HTR4: variants seen among roughly 807,000 people sequenced by gnomAD.
The protein encoded by HTR4 is 5-hydroxytryptamine (serotonin) receptor 4, G protein-coupled.
In HTR4, 16 loss-of-function variants were observed where a neutral mutation model predicts 36.8. The observed-to-expected ratio is 0.43, with a 90% CI of 0.29 to 0.66. The LOEUF is 0.66. Among genes scored for constraint, HTR4 ranks in the 30% least tolerant of loss-of-function variants. The probability of loss-of-function intolerance (pLI) is 0.13; values close to 1 mark genes in which losing one functional copy is unlikely to be tolerated. For synonymous variants in HTR4, 189 were observed against 185.1 expected (o/e 1.02, Z -0.17); for missense variants, 438 against 490.9 (o/e 0.89, Z 1.02).
At chr5:148,506,733 C>T (rs1413476093) in intron 6 of HTR4, among the ~76,000 whole-genome samples, 1 of 152,188 alleles carries the variant, frequency 6.6e-6, no homozygotes, top group Non-Finnish European at 1.5e-5. Flanking sequence ...AGACACTTCT[C>T]AAAAGAAGAC....
chr5:148,654,421 C>T lies in HTR4; in HGVS notation c.-407G>A, dbSNP rs181606526. 2.0e-6 allele frequency: 2 copies of T among 985,402 alleles called. No individual in the cohort carries two copies. The highest frequency in any genetic ancestry group is 2.4e-6 in the Non-Finnish European group (2 of 830,006). The allele number at this position is 985,402 out of a possible 1,614,324, so 61.0% of individuals were successfully genotyped here. On this transcript the variant is annotated 5_prime_UTR_variant, in exon 1 of 7. Coordinates refer to ENST00000377888, the MANE Select transcript of HTR4 (RefSeq NM_000870.7). Reference sequence around the variant, plus strand: ...CGCCAGGGACAGCGGGGGTGCCGCTCTGCCGGCAGGGCGCACAGGGGAGTG... The same window carrying T: ...CGCCAGGGACAGCGGGGGTGCCGCTTTGCCGGCAGGGCGCACAGGGGAGTG...
chr5:148,553,027 C>A (rs181216793), intron 2 of HTR4, among the ~76,000 whole-genome samples: 2 of 152,248 alleles, frequency 1.3e-5, no homozygotes, highest in East Asian at 3.9e-4. Flanking sequence ...GCTATCTGAG[C>A]GCTGTCATTT....
intron 2 of HTR4, among the ~76,000 whole-genome samples, chr5:148,607,504 A>G (rs933104537): frequency 3.3e-5 from 5 of 152,088 alleles, no homozygotes; most frequent in African/African-American, 1.2e-4. Flanking sequence ...TCCTCCCAAC[A>G]TCATTTCCAC....
downstream of HTR4, among the ~76,000 whole-genome samples, chr5:148,475,677 C>A (rs1755678107): frequency 6.6e-6 from 1 of 152,176 alleles, no homozygotes; most frequent in Non-Finnish European, 1.5e-5. Flanking sequence ...CACCACTTCC[C>A]CGCTCCTGGT....
At chr5:148,555,635 G>A (rs1169104468) in intron 2 of HTR4, among the ~76,000 whole-genome samples, 1 of 152,106 alleles carries the variant, frequency 6.6e-6, no homozygotes, top group Non-Finnish European at 1.5e-5. Context: ...CTTTCATCTG[G>A]CTGAAGAGCT....
intron 4 of HTR4, among the ~76,000 whole-genome samples, chr5:148,541,953 A>G (rs1483423924): frequency 2.6e-5 from 4 of 152,050 alleles, no homozygotes; most frequent in Non-Finnish European, 4.4e-5. Flanking sequence ...GCAGACTCCA[A>G]TAGCTTTTTT....
At chr5:148,610,370 G>C (rs964534517) in intron 2 of HTR4, among the ~76,000 whole-genome samples, 8 of 151,030 alleles carry the variant, frequency 5.3e-5, no homozygotes, top group African/African-American at 1.7e-4. Flanking sequence ...TCCCTGACCC[G>C]TGACCCCCGA....
At chr5:148,466,655 A>AT (rs1236310443) in intron 5 of HTR4, among the ~76,000 whole-genome samples, 1 of 152,248 alleles carries the variant, frequency 6.6e-6, no homozygotes, top group Non-Finnish European at 1.5e-5. Context: ...ACATCTACAC[A>AT]TAGAGACATT....
intron 6 of HTR4, among the ~76,000 whole-genome samples, chr5:148,497,591 T>G (rs956601195): frequency 1.3e-5 from 2 of 152,200 alleles, no homozygotes; most frequent in African/African-American, 4.8e-5. Context: ...ATTAGGTTAT[T>G]TCTTTTCTTC....
intron 4 of HTR4, among the ~76,000 whole-genome samples, chr5:148,545,467 C>T (rs1045855077): frequency 5.3e-5 from 8 of 152,164 alleles, no homozygotes; most frequent in Non-Finnish European, 1.0e-4. Context: ...GGGCTTCCTC[C>T]CATTGGAATA....
At chr5:148,625,529 C>T (rs1418408439) in intron 2 of HTR4, among the ~76,000 whole-genome samples, 1 of 152,124 alleles carries the variant, frequency 6.6e-6, no homozygotes. Flanking sequence ...AATGTTCCTG[C>T]AAACAAAATG....
At chr5:148,602,144 A>AAATAAT (rs1347974899) in intron 2 of HTR4, among the ~76,000 whole-genome samples, 1 of 152,072 alleles carries the variant, frequency 6.6e-6, no homozygotes, top group Non-Finnish European at 1.5e-5. Context: ...TCTTACCACA[A>AAATAAT]AATAATAATA....
Position 148,594,689 on chromosome 5 carries a change from C to T in HTR4, c.26+42300G>A, listed in dbSNP as rs537590249. 4.6e-5 allele frequency among the ~76,000 whole-genome samples: 7 copies of T among 152,048 alleles called. No individual in the cohort carries two copies. In the East Asian group the frequency reaches 9.6e-4, roughly 21 times the overall value. The stretch of plus-strand genomic sequence containing the variant: ...CTAAGTTTAAAAATCACTGATCTAC[C>T]GCAACCCAGTCACTGTTCAAATGAA... On this transcript the variant is annotated intron_variant, in intron 2 of 6. Transcript: ENST00000377888.
rs146919942 is a variant in HTR4 at position 148,558,221 on chromosome 5, G to C, written c.27-7959C>G. ...TACAAGGGCATTCTGACTTACAAGA[G>C]AGCCTGTCTAAAATTGAATTATTTT... is the stretch of plus-strand genomic sequence containing the variant. On this transcript the variant is annotated intron_variant, in intron 2 of 6. Coordinates refer to ENST00000377888, the MANE Select transcript of HTR4 (RefSeq NM_000870.7). Among the ~76,000 whole-genome samples the C allele has an allele frequency of 1.9e-3, 296 of 152,214 alleles. 8 individuals carry two copies. The East Asian group carries it at 0.032, about 16-fold the overall frequency.
At chr5:148,471,203 T>C (rs1276187227) in intron 5 of HTR4, among the ~76,000 whole-genome samples, 2 of 152,182 alleles carry the variant, frequency 1.3e-5, no homozygotes, top group African/African-American at 2.4e-5. Flanking sequence ...CTTTCTCCAG[T>C]CAATTTTCAA....
In HTR4 at chr5:148,654,345, C is replaced by A. The variant is rs971212956; in HGVS notation, c.-331G>T. 3.0e-6 allele frequency: 3 copies of A among 984,828 alleles called. No homozygotes were observed. The African/African-American group carries it at 5.2e-5, about 17-fold the overall frequency. 61.0% of individuals were successfully genotyped at this position (984,828 alleles called of 1,614,324 possible). A position where few individuals can be genotyped will look rare whatever the true frequency, so the allele number is the denominator to read the frequency against. ...GAGCCGGACTCCACGGGCTCAACAG[C>A]CCCCAGCCCCGGTGGTCCCCGCTGC... On this transcript the variant is annotated 5_prime_UTR_variant, in exon 1 of 7. Coordinates refer to ENST00000377888, the MANE Select transcript of HTR4 (RefSeq NM_000870.7).
chr5:148,502,541 T>C (rs1342539904), intron 6 of HTR4, among the ~76,000 whole-genome samples: 6 of 151,926 alleles, frequency 3.9e-5, no homozygotes, highest in African/African-American at 1.2e-4. Flanking sequence ...ACCACAAAGA[T>C]GGGGAAAAAA....
intron 3 of HTR4, 112 bp downstream of exon 3, chr5:148,550,025 A>C (rs1759602842): frequency 4.5e-6 from 5 of 1,107,462 alleles, no homozygotes; most frequent in Non-Finnish European, 5.1e-6. Context: ...TGTTGTTCCC[A>C]TGAATGTTTT....
intron 2 of HTR4, among the ~76,000 whole-genome samples, chr5:148,581,433 GC>G (rs139321899): frequency 0.23 from 35,253 of 151,722 alleles, 4,986 homozygotes; most frequent in African/African-American, 0.4. Flanking sequence ...ATGACAAGAA[GC>G]TTTTCCCCTC....
Sources: gnomAD v4.1 joint callset for allele counts (sites outside exome capture counted in the v4.1 genomes callset) on GRCh38, gnomAD v4.1.1 for gene constraint, MANE v1.5 for transcripts, NCBI Gene and HGNC (gene_info 2026-07-23, HGNC 2026-07-21) for gene names.